The following SPIRE2 variants were observed in gnomAD, a reference collection of about 807,000 sequenced individuals.
SPIRE2 encodes the protein protein spire homolog 2.
Under a neutral mutation model 80.7 loss-of-function variants are expected in SPIRE2, and 76 were observed. That is an observed-to-expected ratio of 0.94 (90% CI 0.78 to 1.14). SPIRE2 has a LOEUF of 1.14. Ranked by LOEUF, SPIRE2 falls within the 50% of genes most tolerant of loss-of-function variation. SPIRE2 has a pLI of 0.00. For synonymous variants in SPIRE2, 535 were observed against 432.6 expected (o/e 1.24, Z -2.94); for missense variants, 1,196 against 1,015.3 (o/e 1.18, Z -2.42).
chr16:89,836,661 G>C (rs2041452634), intron 1 of SPIRE2, among the ~76,000 whole-genome samples: 1 of 152,014 alleles, frequency 6.6e-6, no homozygotes, highest in African/African-American at 2.4e-5. Context: ...TGCTGTGAAG[G>C]TCTCACCGCC....
At position 89,828,837 on chromosome 16, in the gene SPIRE2, G is replaced by A; in HGVS notation, c.244+43G>A. 1 of 1,170,150 alleles carries A rather than the reference G, an allele frequency of 8.5e-7. No homozygotes were observed. The highest frequency in any genetic ancestry group is 4.2e-5 in the South Asian group (1 of 23,728). The allele number at this position is 1,170,150 out of a possible 1,614,324, so 72.5% of individuals were successfully genotyped here. A position where few individuals can be genotyped will look rare whatever the true frequency, so the allele number is the denominator to read the frequency against. On this transcript the variant is annotated intron_variant, in intron 1 of 14. Transcript: ENST00000378247. This position sits in a 1 kb window ranked among gnomAD's most constrained non-coding sequence, Gnocchi z 5.9. Reference sequence around the variant, plus strand: ...GCAGCCGGCGGGGACCGCGGTCTGGGGCGTCCGTCCCGCCCCCTGGGTGGG... The same window carrying A: ...GCAGCCGGCGGGGACCGCGGTCTGGAGCGTCCGTCCCGCCCCCTGGGTGGG...
At chr16:89,864,602 G>C (rs1231353276) in intron 12 of SPIRE2, among the ~76,000 whole-genome samples, 1 of 152,214 alleles carries the variant, frequency 6.6e-6, no homozygotes, top group Non-Finnish European at 1.5e-5. Context: ...GCAGGAATGA[G>C]TAACATCGGT....
intron 10 of SPIRE2, among the ~76,000 whole-genome samples, chr16:89,861,062 TG>T (rs1016255202): frequency 5.9e-5 from 9 of 152,034 alleles, no homozygotes; most frequent in African/African-American, 1.9e-4. Flanking sequence ...GGGTTCAGTG[TG>T]GGGTTAGGGC....
intron 1 of SPIRE2, among the ~76,000 whole-genome samples, chr16:89,842,356 G>A (rs1372476063): frequency 1.3e-5 from 2 of 151,810 alleles, no homozygotes; most frequent in Non-Finnish European, 2.9e-5. Flanking sequence ...GGGATTACAG[G>A]CATGTGCCAC....
Position 89,855,670 on chromosome 16 carries a change from G to C in SPIRE2, c.962G>C (p.Arg321Pro). Residue 321 changes from arginine (R) to proline (P), a missense_variant, in exon 6 of 15, where the codon CGG becomes CCG. Transcript: ENST00000378247. ...HELILDFIRS[R>P]PPLKQVSERR... is the part of the protein sequence containing the mutation. Reference sequence around the variant, plus strand: ...CTCATCCTGGACTTTATCCGCTCACGGCCTCCACTGAAGCAGGTGCTGCCC... The same window carrying C: ...CTCATCCTGGACTTTATCCGCTCACCGCCTCCACTGAAGCAGGTGCTGCCC... 2 of 1,612,724 alleles carry C rather than the reference G, an allele frequency of 1.2e-6. No homozygotes were observed. The highest frequency in any genetic ancestry group is 1.7e-6 in the Non-Finnish European group (2 of 1,179,896).
At chr16:89,867,588 T>G in intron 12 of SPIRE2, among the ~76,000 whole-genome samples, 1 of 50,322 alleles carries the variant, frequency 2.0e-5, no homozygotes, top group Admixed American at 1.7e-4. Context: ...TTTACCACCA[T>G]TTTTTTTTTT....
chr16:89,850,680 G>A lies in SPIRE2; in HGVS notation c.645+20G>A, dbSNP rs971092764. On this transcript the variant is annotated intron_variant, in intron 3 of 14. Transcript: ENST00000378247. ...AAGGAGGTGAGCGGTGGGTGGGGGC[G>A]ACCGTGGAGGGTCCGGGAGGCCAGG... is the stretch of plus-strand genomic sequence containing the variant. 6.0e-5 allele frequency: 76 copies of A among 1,262,056 alleles called. No individual in the cohort carries two copies. The highest frequency in any genetic ancestry group is 5.8e-4 in the Middle Eastern group (2 of 3,422). The allele number at this position is 1,262,056 out of a possible 1,614,324, so 78.2% of individuals were successfully genotyped here.
intron 12 of SPIRE2, among the ~76,000 whole-genome samples, chr16:89,866,831 G>A (rs1440707456): frequency 1.3e-5 from 2 of 148,920 alleles, no homozygotes; most frequent in African/African-American, 2.5e-5. Flanking sequence ...GGATGGTCTC[G>A]ATCTCCTGAC....
chr16:89,866,302 T>A (rs2041788541), intron 12 of SPIRE2, among the ~76,000 whole-genome samples: 1 of 152,160 alleles, frequency 6.6e-6, no homozygotes, highest in African/African-American at 2.4e-5. Context: ...GAATTTTTTT[T>A]TTTTATTTTT....
At position 89,850,598 on chromosome 16, in the gene SPIRE2, G is replaced by A. The variant is rs1355468248; in HGVS notation, c.583G>A (p.Ala195Thr). 11 of 1,519,638 alleles carry A rather than the reference G, an allele frequency of 7.2e-6. No homozygotes were observed. Among genetic ancestry groups the A allele is most frequent in the Non-Finnish European group, 8.8e-6 (10 of 1,139,358 alleles). The allele number at this position is 1,519,638 out of a possible 1,614,324, so 94.1% of individuals were successfully genotyped here. A position where few individuals can be genotyped will look rare whatever the true frequency, so the allele number is the denominator to read the frequency against. ...AQAHYQAVCR[A>T]LFVETLELRA... ...GGCGCATTACCAGGCCGTGTGCCGCGCGCTCTTCGTGGAGACGCTGGAGCT... is the reference window on the plus strand; with the variant it reads ...GGCGCATTACCAGGCCGTGTGCCGCACGCTCTTCGTGGAGACGCTGGAGCT... The change falls in exon 3 of 15, where the codon GCG (alanine) becomes ACG (threonine). Residue 195 changes from alanine to threonine, a missense_variant. Ala to Thr is a moderately conservative substitution (Grantham distance 58). Coordinates refer to ENST00000378247, the MANE Select transcript of SPIRE2 (RefSeq NM_032451.2).
At chr16:89,837,671 G>A (rs1369133570) in intron 1 of SPIRE2, among the ~76,000 whole-genome samples, 2 of 152,122 alleles carry the variant, frequency 1.3e-5, no homozygotes, top group Middle Eastern at 3.2e-3. Context: ...GCCAACACAC[G>A]CCTCCCGGAC....
At position 89,850,298 on chromosome 16, in the gene SPIRE2, C is replaced by T. The variant is rs751674180; in HGVS notation, c.289-6C>T. 7 of 1,601,440 alleles carry T rather than the reference C, an allele frequency of 4.4e-6. No homozygotes were observed. Among genetic ancestry groups the T allele is most frequent in the East Asian group, 2.2e-5 (1 of 44,496 alleles). On this transcript the variant is annotated splice_region_variant and splice_polypyrimidine_tract_variant and intron_variant, in intron 2 of 14. Coordinates refer to ENST00000378247, the MANE Select transcript of SPIRE2 (RefSeq NM_032451.2). ...ACCGCCCAGTGACCGCGCCCCTGTC[C>T]CGCAGACCGTGCAGTCCCTCGGCTT...
rs183349254 is a variant in SPIRE2, at chr16:89,841,481, C to T, written c.245-3841C>T. Among the ~76,000 whole-genome samples the T allele has an allele frequency of 4.6e-5, 7 of 152,144 alleles. No homozygotes were observed. The East Asian group carries it at 9.7e-4, about 21-fold the overall frequency. On this transcript the variant is annotated intron_variant, in intron 1 of 14. Transcript: ENST00000378247. ...GGTAGCTCTGTGGCCACGTTGGTGA[C>T]GTGGTTGTGGTAGCTCTGTATGCAC...
intron 12 of SPIRE2, among the ~76,000 whole-genome samples, chr16:89,865,699 G>C (rs879570420): frequency 6.6e-6 from 1 of 152,122 alleles, no homozygotes; most frequent in African/African-American, 2.4e-5. Context: ...GCCGGGCGCG[G>C]TGGCTCACAC....
At position 89,863,777 on chromosome 16, in the gene SPIRE2, C is replaced by G; in HGVS notation, c.1711-17C>G. 6.2e-7 allele frequency: 1 copy of G among 1,613,748 alleles called. No individual in the cohort carries two copies. The highest frequency in any genetic ancestry group is 8.5e-7 in the Non-Finnish European group (1 of 1,179,702). ...AGCTTTGGACAAAGCGGGGCTCTAA[C>G]CAGTCTCTCCTGACAGATTTGCTGC... On this transcript the variant is annotated splice_polypyrimidine_tract_variant and intron_variant, in intron 11 of 14. Coordinates refer to ENST00000378247, the MANE Select transcript of SPIRE2 (RefSeq NM_032451.2). The surrounding 1 kb of genome is among the most constrained non-coding windows in gnomAD (Gnocchi z 4.3).
intron 1 of SPIRE2, among the ~76,000 whole-genome samples, chr16:89,833,682 G>A (rs910237521): frequency 1.4e-4 from 22 of 152,318 alleles, no homozygotes; most frequent in African/African-American, 4.3e-4. Context: ...GCCTGGCTCC[G>A]GAAGCACTGG....
At chr16:89,843,725 A>G (rs1316771388) in intron 1 of SPIRE2, among the ~76,000 whole-genome samples, 1 of 590 alleles carries the variant, frequency 1.7e-3, no homozygotes. Flanking sequence ...TTTGAGACAG[A>G]GTCTCGCTTT....
rs764349982 is a variant in SPIRE2, at chr16:89,869,675, A to G, written c.1915A>G (p.Ile639Val). 6.2e-7 allele frequency: 1 copy of G among 1,612,480 alleles called. No individual in the cohort carries two copies. Among genetic ancestry groups the G allele is most frequent in the South Asian group, 1.1e-5 (1 of 91,024 alleles). ...AKTAPIQRRD[I>V]FQSLQGPQWQ... ...AACCGCGCCAATCCAGAGAAGAGAC[A>G]TCTTTCAGTGCGTTCTTCGCCTTGC... Residue 639 changes from isoleucine (I) to valine (V), a missense_variant, in exon 14 of 15, where the codon ATC (isoleucine) becomes GTC (valine). Ile to Val is a conservative substitution (Grantham distance 29). Coordinates refer to ENST00000378247, the MANE Select transcript of SPIRE2 (RefSeq NM_032451.2).
intron 1 of SPIRE2, among the ~76,000 whole-genome samples, chr16:89,833,266 G>C (rs1474907491): frequency 1.3e-5 from 2 of 151,198 alleles, no homozygotes; most frequent in East Asian, 1.9e-4. Flanking sequence ...TGGGATGACA[G>C]GCATGAGCCA....
Sources: allele counts gnomAD v4.1 joint callset (sites outside exome capture counted in the v4.1 genomes callset), GRCh38; gene constraint gnomAD v4.1.1; non-coding constraint Gnocchi (gnomAD v3.1); transcripts MANE v1.5; gene names NCBI Gene and HGNC (gene_info 2026-07-23, HGNC 2026-07-21).